EPHA6: variants seen among roughly 807,000 people sequenced by gnomAD.
EPHA6 encodes the protein EPH receptor A6.
A neutral mutation model predicts 112.0 loss-of-function variants in EPHA6; 50 were observed. That is an observed-to-expected ratio of 0.45 (90% CI 0.36 to 0.56). The LOEUF (loss-of-function observed/expected upper bound fraction) is 0.56. EPHA6 is among the 20% of genes least tolerant of loss of function. EPHA6 has a pLI of 0.00. For missense variants in EPHA6, 1,280 were observed against 1,417.4 expected, an observed-to-expected ratio of 0.90 and a Z score of 1.56; for synonymous variants, 529 against 490.7, an observed-to-expected ratio of 1.08 and a Z score of -1.03.
At chr3:97,067,219 A>G (rs774977826) in intron 3 of EPHA6, among the ~76,000 whole-genome samples, 2 of 152,108 alleles carry the variant, frequency 1.3e-5, no homozygotes, top group Non-Finnish European at 2.9e-5. Context: ...CATACTTTAC[A>G]TCATAAATTC....
intron 2 of EPHA6, among the ~76,000 whole-genome samples, chr3:96,942,013 A>C (rs1184886951): frequency 6.6e-6 from 1 of 152,174 alleles, no homozygotes; most frequent in African/African-American, 2.4e-5. Flanking sequence ...GTGAGGTGTC[A>C]GTCTGCCCCT....
At chr3:97,266,216 T>C (rs762988114) in intron 5 of EPHA6, among the ~76,000 whole-genome samples, 4 of 152,164 alleles carry the variant, frequency 2.6e-5, no homozygotes, top group Non-Finnish European at 5.9e-5. Context: ...AATGTGAAAA[T>C]AGAAGTGTGA....
chr3:97,633,642 T>C (rs1426791339), intron 13 of EPHA6, among the ~76,000 whole-genome samples: 1 of 152,096 alleles, frequency 6.6e-6, no homozygotes, highest in Non-Finnish European at 1.5e-5. Flanking sequence ...ACAGTCTGTT[T>C]TATACGAGAC....
At chr3:97,695,571 T>G (rs1392014748) in intron 14 of EPHA6, among the ~76,000 whole-genome samples, 1 of 152,182 alleles carries the variant, frequency 6.6e-6, no homozygotes, top group African/African-American at 2.4e-5. Flanking sequence ...AGACGGAGTC[T>G]CGCTCTGTCA....
At chr3:97,118,742 T>C (rs1039466912) in intron 3 of EPHA6, among the ~76,000 whole-genome samples, 6 of 152,058 alleles carry the variant, frequency 3.9e-5, no homozygotes, top group African/African-American at 9.6e-5. Context: ...TTCCCTAATA[T>C]TCAATTTTTG....
chr3:97,191,069 A>G (rs2077293514), intron 3 of EPHA6, among the ~76,000 whole-genome samples: 1 of 152,086 alleles, frequency 6.6e-6, no homozygotes, highest in African/African-American at 2.4e-5. Context: ...CTGCCATTGT[A>G]CTTGTTGTCT....
intron 3 of EPHA6, among the ~76,000 whole-genome samples, chr3:97,115,581 A>G (rs1283330778): frequency 1.3e-5 from 2 of 151,828 alleles, no homozygotes. Flanking sequence ...CATCATAAAT[A>G]TGGAGGCTTC....
chr3:96,965,264 G>A (rs890691595), intron 2 of EPHA6, among the ~76,000 whole-genome samples: 25 of 151,998 alleles, frequency 1.6e-4, no homozygotes, highest in African/African-American at 4.6e-4. Context: ...ATAGAAGTAA[G>A]GTGTTTTTCT....
At chr3:96,903,008 TATG>T (rs879215045) in intron 2 of EPHA6, among the ~76,000 whole-genome samples, 2 of 152,166 alleles carry the variant, frequency 1.3e-5, no homozygotes, top group Admixed American at 1.3e-4. Flanking sequence ...TGTAATGTAA[TATG>T]ATGATAAGGA....
chr3:97,197,397 C>T (rs758486527), intron 3 of EPHA6, among the ~76,000 whole-genome samples: 2 of 151,784 alleles, frequency 1.3e-5, no homozygotes, highest in Non-Finnish European at 2.9e-5. Context: ...ATGGTGGATC[C>T]TGCCAAAACT....
chr3:97,175,387 TG>T (rs2076809269), intron 3 of EPHA6, among the ~76,000 whole-genome samples: 1 of 151,982 alleles, frequency 6.6e-6, no homozygotes, highest in African/African-American at 2.4e-5. Context: ...CTGGGTCTTT[TG>T]AGATTCCACA....
In EPHA6 at chr3:97,755,321, G is replaced by T. The variant is rs1244014057; in HGVS notation, c.*6620G>T. 6.6e-6 allele frequency among the ~76,000 whole-genome samples: 1 copy of T among 152,138 alleles called. No individual in the cohort carries two copies. Among genetic ancestry groups the T allele is most frequent in the Non-Finnish European group, 1.5e-5 (1 of 68,004 alleles). On this transcript the variant is annotated 3_prime_UTR_variant, in exon 18 of 18. Coordinates refer to ENST00000389672, the MANE Select transcript of EPHA6 (RefSeq NM_001080448.3). ...TTCTCAGGAGTTGTAAACTAGAAAAGTATCAGAATTAGTGAAAATCTTCCC... is the reference window on the plus strand; with the variant it reads ...TTCTCAGGAGTTGTAAACTAGAAAATTATCAGAATTAGTGAAAATCTTCCC...
At chr3:97,443,657 C>T (rs2090220908) in intron 6 of EPHA6, among the ~76,000 whole-genome samples, 1 of 152,036 alleles carries the variant, frequency 6.6e-6, no homozygotes, top group African/African-American at 2.4e-5. Context: ...ATAAAGGCAG[C>T]CTGCATGGAT....
intron 2 of EPHA6, among the ~76,000 whole-genome samples, chr3:96,961,345 A>G (rs535476738): frequency 2.0e-5 from 3 of 152,292 alleles, no homozygotes; most frequent in South Asian, 2.1e-4. Flanking sequence ...TGATACTGCA[A>G]ATTCATTCTT....
intron 11 of EPHA6, among the ~76,000 whole-genome samples, chr3:97,578,077 G>A (rs1397204491): frequency 1.3e-5 from 2 of 152,134 alleles, no homozygotes; most frequent in Non-Finnish European, 2.9e-5. Context: ...AGAGTCATCA[G>A]AGGATATTGA....
At chr3:97,391,647 G>T (rs2086405595) in intron 5 of EPHA6, among the ~76,000 whole-genome samples, 1 of 151,976 alleles carries the variant, frequency 6.6e-6, no homozygotes, top group South Asian at 2.1e-4. Flanking sequence ...TCAGATAAGG[G>T]CAGTCAATTG....
At chr3:97,705,401 G>T (rs774029817) in intron 14 of EPHA6, among the ~76,000 whole-genome samples, 3 of 152,082 alleles carry the variant, frequency 2.0e-5, no homozygotes, top group Non-Finnish European at 4.4e-5. Context: ...ACATTTCATG[G>T]CGCCTCTCAC....
chr3:97,163,718 C>T (rs570407685), intron 3 of EPHA6, among the ~76,000 whole-genome samples: 4 of 152,248 alleles, frequency 2.6e-5, no homozygotes, highest in African/African-American at 9.6e-5. Context: ...GATGGAGAGG[C>T]AGCTTTCATG....
At chr3:97,030,008 A>C (rs1462875066) in intron 3 of EPHA6, among the ~76,000 whole-genome samples, 1 of 152,076 alleles carries the variant, frequency 6.6e-6, no homozygotes, top group Non-Finnish European at 1.5e-5. Flanking sequence ...TGAGATTGTC[A>C]ATAGAATGAT....
Sources: gnomAD v4.1 joint callset for allele counts (sites outside exome capture counted in the v4.1 genomes callset) on GRCh38, gnomAD v4.1.1 for gene constraint, MANE v1.5 for transcripts, NCBI Gene and HGNC (gene_info 2026-07-23, HGNC 2026-07-21) for gene names.